The following TTN variants were observed in gnomAD, a reference collection of about 807,000 sequenced individuals.
TTN encodes the protein titin.
A neutral mutation model predicts 3,223.0 loss-of-function variants in TTN; 1,525 were observed. The ratio of observed to expected loss-of-function variants is 0.47; its 90% CI spans 0.45 to 0.49. The LOEUF (loss-of-function observed/expected upper bound fraction) is 0.49, where lower values mean the gene tolerates loss of function less well. Ranked by LOEUF, TTN falls within the 20% of genes least tolerant of loss-of-function variation. The pLI, the probability that TTN is intolerant of heterozygous loss-of-function variation, is 0.00. For missense variants in TTN, 40,786 were observed against 43,424.0 expected (o/e 0.94, Z 5.40); for synonymous variants, 14,094 against 15,161.0 (o/e 0.93, Z 5.17).
In TTN at chr2:178,611,448, T is replaced by A; in HGVS notation, c.50781A>T (p.Arg16927Ser). The A allele has an allele frequency of 6.2e-7, 1 of 1,612,946 alleles. No homozygotes were observed. Among genetic ancestry groups the A allele is most frequent in the Non-Finnish European group, 8.5e-7 (1 of 1,179,300 alleles). ...GVVPDKEYVLRVRAVNAIGVS... is the reference protein window; with the variant it reads ...GVVPDKEYVLSVRAVNAIGVS... ...CACCAATAGCATTGACTGCTCTCAC[T>A]CTCAGGACATATTCTTTGTCAGGAA... The change falls in exon 269 of 363, where the codon AGA (arginine) becomes AGT (serine). Residue 16927 changes from arginine (R) to serine (S), a missense_variant. Arg to Ser is a moderately radical substitution (Grantham distance 110). Transcript: ENST00000589042.
intron 288 of TTN, 107 bp downstream of exon 288, chr2:178,600,747 G>A (rs2053171438): frequency 1.5e-6 from 2 of 1,337,836 alleles, no homozygotes; most frequent in South Asian, 2.4e-5. Context: ...TCAAGCCATA[G>A]TAGCTTCCTA....
intron 89 of TTN, 62 bp downstream of exon 89, chr2:178,715,431 G>A (rs572730638): frequency 1.9e-6 from 3 of 1,546,364 alleles, no homozygotes; most frequent in Admixed American, 4.0e-5. Context: ...CAAACAGGAA[G>A]TTAAGAGGAC....
In TTN at chr2:178,714,012, G is replaced by A; in HGVS notation, c.26646C>T (p.Asn8882=). 6.2e-7 allele frequency: 1 copy of A among 1,613,552 alleles called. No individual in the cohort carries two copies. The highest frequency in any genetic ancestry group is 8.5e-7 in the Non-Finnish European group (1 of 1,179,672). The part of the protein sequence containing the change: ...SDNKYKISFF[N]KVSGLKIINV... Reference sequence around the variant, plus strand: ...TGATGATCTTAAGGCCGGATACTTTGTTGAAGAAGCTTATTTTGTATTTGT... The same window carrying A: ...TGATGATCTTAAGGCCGGATACTTTATTGAAGAAGCTTATTTTGTATTTGT... The change falls in exon 92 of 363, where the codon AAC becomes AAT. Residue 8882 remains asparagine, a synonymous_variant. Transcript: ENST00000589042.
At position 178,799,966 on chromosome 2, in the gene TTN, G is replaced by A. The variant is rs878963680; in HGVS notation, c.584-56C>T. 5.7e-6 allele frequency: 9 copies of A among 1,566,624 alleles called. No individual in the cohort carries two copies. In the South Asian group the frequency reaches 1.0e-4, roughly 17 times the overall value. ...GGGGGCACAATGACCCATTTTAAAA[G>A]AGATTCTGTTAATTCTGACTACAAA... On this transcript the variant is annotated intron_variant, in intron 4 of 362. Coordinates refer to ENST00000589042, the MANE Select transcript of TTN (RefSeq NM_001267550.2).
At chr2:178,550,839 C>T (rs1180083297) in intron 336 of TTN, 128 bp downstream of exon 336, 14 of 801,556 alleles carry the variant, frequency 1.7e-5, no homozygotes, top group Middle Eastern at 7.1e-4. Flanking sequence ...GGTAGAAAGA[C>T]ATAATTCATC....
Position 178,578,099 on chromosome 2 carries a change from T to C in TTN, c.68416A>G (p.Thr22806Ala). The change falls in exon 322 of 363, where the codon ACA (threonine) becomes GCA (alanine). Residue 22806 changes from threonine (T) to alanine (A), a missense_variant. Coordinates refer to ENST00000589042, the MANE Select transcript of TTN (RefSeq NM_001267550.2). ...TPIRMRDFKV[T>A]GLTEGLEYEF... is the part of the protein sequence containing the mutation. ...TATTCAAGACCTTCAGTTAATCCTG[T>C]CACTTTAAAGTCTCTCATCCTTATC... 2 of 1,613,336 alleles carry C rather than the reference T, an allele frequency of 1.2e-6. No homozygotes were observed. Among genetic ancestry groups the C allele is most frequent in the Non-Finnish European group, 1.7e-6 (2 of 1,179,496 alleles).
Position 178,769,856 on chromosome 2 carries a change from T to A in TTN, c.8725A>T (p.Asn2909Tyr). 11 of 1,614,108 alleles carry A rather than the reference T, an allele frequency of 6.8e-6. No individual in the cohort carries two copies. Among genetic ancestry groups the A allele is most frequent in the Non-Finnish European group, 9.3e-6 (11 of 1,180,004 alleles). The change falls in exon 37 of 363, where the codon AAT becomes TAT. Residue 2909 changes from asparagine to tyrosine, a missense_variant. Coordinates refer to ENST00000589042, the MANE Select transcript of TTN (RefSeq NM_001267550.2). ...ASFECEVSHF[N>Y]VPSMWLKNGV... Reference sequence around the variant, plus strand: ...TTCTTCAGCCACATGGAAGGGACATTGAAGTGGGACACCTCACACTCAAAA... The same window carrying A: ...TTCTTCAGCCACATGGAAGGGACATAGAAGTGGGACACCTCACACTCAAAA...
chr2:178,605,706 TGGA>T lies in TTN; in HGVS notation c.53586_53588del (p.Pro17863del). ...TGTATGTGAGCCTCTCTGGAGATGT[TGGA>T]GGACCTTTAGCCAGAGGCAAGTGAA... On this transcript the variant is annotated inframe_deletion, in exon 279 of 363. Transcript: ENST00000589042. 1 of 1,528,436 alleles carries T rather than the reference TGGA, an allele frequency of 6.5e-7. No homozygotes were observed. The highest frequency in any genetic ancestry group is 8.8e-7 in the Non-Finnish European group (1 of 1,134,844). 94.7% of individuals were successfully genotyped at this position (1,528,436 alleles called of 1,614,324 possible).
intron 308 of TTN, among the ~76,000 whole-genome samples, chr2:178,585,876 A>G (rs2154180925): frequency 6.6e-6 from 1 of 152,178 alleles, no homozygotes; most frequent in East Asian, 1.9e-4. Flanking sequence ...AGTCTTTGCT[A>G]TTGTGAACAG....
chr2:178,764,866 C>A, intron 41 of TTN, 55 bp from the exon 42 acceptor site: 1 of 1,598,024 alleles, frequency 6.3e-7, no homozygotes, highest in Non-Finnish European at 8.5e-7. Flanking sequence ...CACAAGAGAG[C>A]ATGCAAAACT....
At chr2:178,689,027 T>TAA in intron 125 of TTN, 26 bp downstream of exon 125, 1 of 1,131,068 alleles carries the variant, frequency 8.8e-7, no homozygotes, top group Non-Finnish European at 1.2e-6. Flanking sequence ...TTTTTTTTTT[T>TAA]GTCAGAGGAT....
intron 130 of TTN, 64 bp from the exon 131 acceptor site, chr2:178,684,813 T>C (rs1463605578): frequency 6.4e-7 from 1 of 1,564,324 alleles, no homozygotes; most frequent in Non-Finnish European, 8.7e-7. Flanking sequence ...ACAGGCACAC[T>C]TATTTTCTGG....
Position 178,704,553 on chromosome 2 carries a change from C to T in TTN, c.29919G>A (p.Leu9973=). ...CGCTAGCGATGTGTGGACCACAAAC[C>T]AATCGATAATTGCCCTGGTCTTTAA... is the stretch of plus-strand genomic sequence containing the variant. ...CQLKDQGNYR[L]VCGPHIASAK... The change falls in exon 105 of 363, where the codon TTG becomes TTA. Residue 9973 remains leucine, a synonymous_variant. Transcript: ENST00000589042. The T allele has an allele frequency of 6.2e-7, 1 of 1,613,436 alleles. No individual in the cohort carries two copies. Among genetic ancestry groups the T allele is most frequent in the Non-Finnish European group, 8.5e-7 (1 of 1,179,576 alleles).
chr2:178,534,696 C>T lies in TTN; in HGVS notation c.101919G>A (p.Arg33973=). Residue 33973 remains arginine (R), a synonymous_variant, in exon 358 of 363, where the codon AGG becomes AGA. Transcript: ENST00000589042. ...AGTATTCTGGGGCAGTGAATAGAAG[C>T]CTGAAGTTGTCCCCTGGTTTCAGCT... is the stretch of plus-strand genomic sequence containing the variant. The part of the protein sequence containing the change: ...ARQLKPGDNF[R]LLFTAPEYYA... 6.2e-7 allele frequency: 1 copy of T among 1,613,766 alleles called. No homozygotes were observed. Among genetic ancestry groups the T allele is most frequent in the African/African-American group, 1.3e-5 (1 of 75,008 alleles).
chr2:178,605,009 T>C lies in TTN; in HGVS notation c.54168A>G (p.Arg18056=), dbSNP rs2054447704. The C allele has an allele frequency of 6.2e-7, 1 of 1,600,640 alleles. No individual in the cohort carries two copies. The highest frequency in any genetic ancestry group is 1.3e-5 in the African/African-American group (1 of 74,580). ...TACCATATACTTCAACGTGAACATTTCGGAACACTGAGCCAAGGCGATTGG... is the reference window on the plus strand; with the variant it reads ...TACCATATACTTCAACGTGAACATTCCGGAACACTGAGCCAAGGCGATTGG... ...TASNRLGSVF[R]NVHVEVYDRP... is the part of the protein sequence containing the mutation. Residue 18056 remains arginine (R), a synonymous_variant, in exon 280 of 363, where the codon CGA becomes CGG. Coordinates refer to ENST00000589042, the MANE Select transcript of TTN (RefSeq NM_001267550.2).
chr2:178,774,761 T>C (rs933368357), intron 29 of TTN, 160 bp downstream of exon 29: 10 of 910,658 alleles, frequency 1.1e-5, no homozygotes, highest in Admixed American at 8.4e-5. Context: ...ATTGTTAACA[T>C]TCTTAATTAC....
rs148707308 is a variant in TTN at position 178,527,324 on chromosome 2, C to CA, written c.107681-18dup. ...GCGGAATTCCTTTATGGAACAATGA[C>CA]AAAAAAAAGGTCTTAGAATCACTGA... On this transcript the variant is annotated splice_polypyrimidine_tract_variant and intron_variant, in intron 362 of 362. Coordinates refer to ENST00000589042, the MANE Select transcript of TTN (RefSeq NM_001267550.2). 3.8e-5 allele frequency: 60 copies of CA among 1,564,210 alleles called. No individual in the cohort carries two copies. The highest frequency in any genetic ancestry group is 6.0e-5 in the South Asian group (5 of 83,488).
Position 178,593,315 on chromosome 2 carries a change from A to G in TTN, c.58893T>C (p.Asp19631=). ...TAAATTTAGTGTATGGATGAATAGG[A>G]TCTTTGGTAACTCTAGCCCATCGTT... ...MSKRWARVTK[D]PIHPYTKFRV... Residue 19631 remains aspartate, a synonymous_variant, in exon 299 of 363, where the codon GAT becomes GAC. Coordinates refer to ENST00000589042, the MANE Select transcript of TTN (RefSeq NM_001267550.2). The G allele has an allele frequency of 6.2e-7, 1 of 1,613,330 alleles. No individual in the cohort carries two copies. The highest frequency in any genetic ancestry group is 8.5e-7 in the Non-Finnish European group (1 of 1,179,554).
chr2:178,779,774 T>C (rs2092600937), intron 22 of TTN: 2 of 562,110 alleles, frequency 3.6e-6, no homozygotes, highest in East Asian at 3.0e-5. Context: ...CTTAATATAT[T>C]ATAAGCCCTA....
Sources: allele counts gnomAD v4.1 joint callset (sites outside exome capture counted in the v4.1 genomes callset), GRCh38; gene constraint gnomAD v4.1.1; transcripts MANE v1.5; gene names NCBI Gene and HGNC (gene_info 2026-07-23, HGNC 2026-07-21).